Variants in PRKAA2 observed in about 807,000 individuals in gnomAD.
PRKAA2 encodes the protein 5'-AMP-activated protein kinase catalytic subunit alpha-2.
A neutral mutation model predicts 56.3 loss-of-function variants in PRKAA2; 40 were observed. The ratio of observed to expected loss-of-function variants is 0.71; its 90% CI spans 0.55 to 0.92. The LOEUF is 0.92. PRKAA2 is among the 40% of genes least tolerant of loss of function. The pLI is 0.00. For missense variants in PRKAA2, 542 were observed against 686.9 expected, an observed-to-expected ratio of 0.79 and a Z score of 2.36; for synonymous variants, 214 against 234.2, an observed-to-expected ratio of 0.91 and a Z score of 0.79.
chr1:56,664,548 A>G (rs932922492), intron 1 of PRKAA2, among the ~76,000 whole-genome samples: 7 of 151,866 alleles, frequency 4.6e-5, no homozygotes, highest in South Asian at 2.1e-4. Flanking sequence ...CTTTTTTTAC[A>G]TGCATGTTTG....
At chr1:56,687,041 C>A (rs1358592241) in intron 2 of PRKAA2, among the ~76,000 whole-genome samples, 1 of 152,026 alleles carries the variant, frequency 6.6e-6, no homozygotes, top group Non-Finnish European at 1.5e-5. Context: ...TGTGCCACCA[C>A]GCCTGGCTAA....
intron 1 of PRKAA2, among the ~76,000 whole-genome samples, chr1:56,657,427 C>T (rs1216771621): frequency 2.0e-5 from 3 of 152,182 alleles, no homozygotes; most frequent in South Asian, 4.1e-4. Flanking sequence ...CCTGTAATCC[C>T]AGCACTTTGG....
At chr1:56,691,613 T>C (rs1016313951) in intron 3 of PRKAA2, 126 bp downstream of exon 3, 3 of 524,120 alleles carry the variant, frequency 5.7e-6, no homozygotes, top group Non-Finnish European at 6.2e-6. Context: ...CAACTAAACA[T>C]GTAGAGTGTT....
intron 1 of PRKAA2, among the ~76,000 whole-genome samples, chr1:56,659,489 T>A (rs1433756356): frequency 3.2e-4 from 47 of 147,874 alleles, no homozygotes; most frequent in African/African-American, 1.2e-3. Context: ...AGAACAAGAC[T>A]CTGTCTCAAA....
chr1:56,683,415 T>G (rs1438149114), intron 2 of PRKAA2, among the ~76,000 whole-genome samples: 3 of 152,130 alleles, frequency 2.0e-5, no homozygotes, highest in Non-Finnish European at 4.4e-5. Flanking sequence ...GTGAGGAATA[T>G]GGTGTATTGG....
At chr1:56,688,787 G>C (rs1644208254) in intron 2 of PRKAA2, among the ~76,000 whole-genome samples, 1 of 152,214 alleles carries the variant, frequency 6.6e-6, no homozygotes, top group Non-Finnish European at 1.5e-5. Context: ...TCATATTTGT[G>C]TTTGAAGAGA....
intron 2 of PRKAA2, among the ~76,000 whole-genome samples, chr1:56,684,863 A>C (rs1274836551): frequency 6.6e-6 from 1 of 152,184 alleles, no homozygotes; most frequent in Non-Finnish European, 1.5e-5. Context: ...AGTCTAAACA[A>C]GGTTAGCTTT....
Position 56,710,574 on chromosome 1 carries a change from T to C in PRKAA2, c.*2861T>C, listed in dbSNP as rs1288885793. 1 of 152,144 alleles carries C rather than the reference T, an allele frequency of 6.6e-6. No homozygotes were observed. The highest frequency in any genetic ancestry group is 1.5e-5 in the Non-Finnish European group (1 of 67,996). 9.4% of individuals were successfully genotyped at this position (152,144 alleles called of 1,614,324 possible). On this transcript the variant is annotated 3_prime_UTR_variant, in exon 9 of 9. Transcript: ENST00000371244. ...TTAATAATTAACACTTCCATTTCTC[T>C]TACTGGTTGTTGGGAGAATCTGATT...
chr1:56,699,945 G>T (rs1244843190), intron 6 of PRKAA2, among the ~76,000 whole-genome samples: 3 of 151,946 alleles, frequency 2.0e-5, no homozygotes, highest in Non-Finnish European at 4.4e-5. Context: ...TTTTTTGCTT[G>T]AAAAATATTC....
chr1:56,684,549 G>C (rs1160788347), intron 2 of PRKAA2, among the ~76,000 whole-genome samples: 1 of 152,174 alleles, frequency 6.6e-6, no homozygotes, highest in African/African-American at 2.4e-5. Flanking sequence ...AAAATGATCA[G>C]TGAGGTGGGA....
At chr1:56,651,901 G>T (rs1399714237) in intron 1 of PRKAA2, among the ~76,000 whole-genome samples, 1 of 151,184 alleles carries the variant, frequency 6.6e-6, no homozygotes, top group Non-Finnish European at 1.5e-5. Flanking sequence ...GAGTGCAGTG[G>T]TGCTATCTCA....
In PRKAA2 at chr1:56,712,079, G is replaced by A. The variant is rs767508113; in HGVS notation, c.*4366G>A. On this transcript the variant is annotated 3_prime_UTR_variant, in exon 9 of 9. Transcript: ENST00000371244. ...CATATATTTTTTATAGTGATTTTTC[G>A]ATCTAGAGACCCTTCATATTGTTTA... is the stretch of plus-strand genomic sequence containing the variant. 5 of 152,054 alleles carry A rather than the reference G, an allele frequency of 3.3e-5. No individual in the cohort carries two copies. The highest frequency in any genetic ancestry group is 6.6e-5 in the Admixed American group (1 of 15,246). The allele number at this position is 152,054 out of a possible 1,614,324, so 9.4% of individuals were successfully genotyped here. A position where few individuals can be genotyped will look rare whatever the true frequency, so the allele number is the denominator to read the frequency against.
Position 56,707,803 on chromosome 1 carries a change from A to G in PRKAA2, c.*90A>G. On this transcript the variant is annotated 3_prime_UTR_variant, in exon 9 of 9. Transcript: ENST00000371244. ...TTACTTTTGGATAATATCCACTGCA[A>G]TACTAATTGAGAAACATGAATTATT... 2 of 1,148,380 alleles carry G rather than the reference A, an allele frequency of 1.7e-6. No homozygotes were observed. Among genetic ancestry groups the G allele is most frequent in the South Asian group, 1.5e-5 (1 of 66,962 alleles). 71.1% of individuals were successfully genotyped at this position (1,148,380 alleles called of 1,614,324 possible).
chr1:56,662,468 A>G (rs1299233283), intron 1 of PRKAA2, among the ~76,000 whole-genome samples: 1 of 152,190 alleles, frequency 6.6e-6, no homozygotes, highest in Non-Finnish European at 1.5e-5. Flanking sequence ...AATTAAATAC[A>G]GACGAGGTCT....
chr1:56,701,743 A>G (rs1460846439), intron 6 of PRKAA2, among the ~76,000 whole-genome samples: 2 of 151,434 alleles, frequency 1.3e-5, no homozygotes, highest in African/African-American at 2.4e-5. Context: ...TACAACAAAA[A>G]ATTAGCTGGG....
chr1:56,684,642 G>A (rs1240776321), intron 2 of PRKAA2, among the ~76,000 whole-genome samples: 1 of 152,120 alleles, frequency 6.6e-6, no homozygotes, highest in Non-Finnish European at 1.5e-5. Context: ...TTTTACTGGT[G>A]AATATTGAGT....
chr1:56,705,396 T>TG, intron 7 of PRKAA2, among the ~76,000 whole-genome samples: 1 of 120,424 alleles, frequency 8.3e-6, no homozygotes, highest in Admixed American at 1.0e-4. Flanking sequence ...TTTTTGTTTA[T>TG]TTTTTGTTGT....
At chr1:56,702,414 C>T (rs961483005) in intron 6 of PRKAA2, among the ~76,000 whole-genome samples, 2 of 152,326 alleles carry the variant, frequency 1.3e-5, no homozygotes, top group African/African-American at 4.8e-5. Flanking sequence ...ATTTTCTATA[C>T]CACAAACAAA....
chr1:56,704,122 G>T lies in PRKAA2; in HGVS notation c.940G>T (p.Gly314Cys), dbSNP rs951220031. 1.2e-6 allele frequency: 2 copies of T among 1,614,014 alleles called. No individual in the cohort carries two copies. Among genetic ancestry groups the T allele is most frequent in the African/African-American group, 1.3e-5 (1 of 74,924 alleles). The change falls in exon 7 of 9, where the codon GGT (glycine) becomes TGT (cysteine). Residue 314 changes from glycine (G) to cysteine (C), a missense_variant. Physicochemically the swap from Gly to Cys is radical, Grantham distance 159. Coordinates refer to ENST00000371244, the MANE Select transcript of PRKAA2 (RefSeq NM_006252.4). ...AGAAGTAATGAACAGTTTATATAGT[G>T]GTGACCCTCAAGACCAGCTTGCAGT... The part of the protein sequence containing the change: ...ESEVMNSLYS[G>C]DPQDQLAVAY...
Sources: allele counts gnomAD v4.1 joint callset (sites outside exome capture counted in the v4.1 genomes callset), GRCh38; gene constraint gnomAD v4.1.1; transcripts MANE v1.5; gene names NCBI Gene and HGNC (gene_info 2026-07-23, HGNC 2026-07-21).